SEC22A: variants seen among roughly 807,000 people sequenced by gnomAD.
The protein encoded by SEC22A is SEC22 homolog A, vesicle trafficking protein.
SEC22A carries 22 observed loss-of-function variants against 35.3 expected under a neutral mutation model. That is an observed-to-expected ratio of 0.62 (90% CI 0.45 to 0.89). SEC22A has a LOEUF of 0.89. Among genes scored for constraint, SEC22A ranks in the 40% least tolerant of loss-of-function variants. The pLI is 0.00. For synonymous variants in SEC22A, 119 were observed against 129.5 expected, an observed-to-expected ratio of 0.92 and a Z score of 0.55; for missense variants, 354 against 362.5, an observed-to-expected ratio of 0.98 and a Z score of 0.19.
At chr3:123,219,251 A>T (rs6784995) in intron 2 of SEC22A, among the ~76,000 whole-genome samples, 86,697 of 151,964 alleles carry the variant, frequency 0.57, 25,203 homozygotes, top group Non-Finnish European at 0.61. Flanking sequence ...AGGAGTAAAG[A>T]TGTACAAAAT....
chr3:123,242,589 C>G (rs541073825), intron 4 of SEC22A, among the ~76,000 whole-genome samples: 1 of 152,122 alleles, frequency 6.6e-6, no homozygotes, highest in East Asian at 1.9e-4. Context: ...TGATTCAGGC[C>G]CTGATTTCAG....
intron 6 of SEC22A, among the ~76,000 whole-genome samples, chr3:123,269,090 G>T (rs1172791945): frequency 6.6e-6 from 1 of 151,880 alleles, no homozygotes; most frequent in African/African-American, 2.4e-5. Flanking sequence ...CCATTGCAAA[G>T]ATATCTTTTT....
At chr3:123,255,855 A>G (rs950972) in intron 5 of SEC22A, among the ~76,000 whole-genome samples, 29,728 of 151,656 alleles carry the variant, frequency 0.2, 3,014 homozygotes, top group Middle Eastern at 0.27. Context: ...AACTTATAGA[A>G]AAGTTTAAAG....
chr3:123,260,169 A>AAAAAAAAAAAAAAAAAC (rs1559763879), intron 6 of SEC22A, among the ~76,000 whole-genome samples: 6 of 114,836 alleles, frequency 5.2e-5, no homozygotes, highest in African/African-American at 2.1e-4. Flanking sequence ...AAAAAAAAAA[A>AAAAAAAAAAAAAAAAAC]CTACTAGATT....
intron 4 of SEC22A, among the ~76,000 whole-genome samples, chr3:123,227,033 G>A (rs1347727752): frequency 6.6e-6 from 1 of 152,162 alleles, no homozygotes; most frequent in Non-Finnish European, 1.5e-5. Context: ...GTTCTTGACT[G>A]TCACGGAAGG....
chr3:123,204,236 C>T lies in SEC22A; in HGVS notation c.-20+2250C>T, dbSNP rs6775870. On this transcript the variant is annotated intron_variant, in intron 1 of 6. Transcript: ENST00000492595. The stretch of plus-strand genomic sequence containing the variant: ...AGGAGAAAAACTTAACATCTCAAAA[C>T]TGATTTCACAGATATTATTGCTAAA... Among the ~76,000 whole-genome samples, 1,068 of 152,214 alleles carry T rather than the reference C, an allele frequency of 7.0e-3. 40 individuals are homozygous for T. In the East Asian group the frequency reaches 0.076, roughly 11 times the overall value.
At chr3:123,205,435 T>C (rs1191703545) in intron 1 of SEC22A, among the ~76,000 whole-genome samples, 1 of 152,160 alleles carries the variant, frequency 6.6e-6, no homozygotes, top group African/African-American at 2.4e-5. Context: ...ACACCTGTAA[T>C]CCCAGCACTT....
At chr3:123,210,380 G>T (rs926695517) in intron 2 of SEC22A, among the ~76,000 whole-genome samples, 2 of 152,174 alleles carry the variant, frequency 1.3e-5, no homozygotes, top group African/African-American at 2.4e-5. Context: ...GGTAAAAGAA[G>T]AATAATCACC....
At position 123,268,451 on chromosome 3, in the gene SEC22A, A is replaced by G. The variant is rs997624064; in HGVS notation, c.724-3071A>G. Among the ~76,000 whole-genome samples, 11 of 152,256 alleles carry G rather than the reference A, an allele frequency of 7.2e-5. No homozygotes were observed. In the East Asian group the frequency reaches 1.5e-3, roughly 21 times the overall value. ...TTCTTTATTTGTCTGCTTTTCCTCC[A>G]CAGTTCAGAGTCTTCTTATGCTTGT... On this transcript the variant is annotated intron_variant, in intron 6 of 6. Coordinates refer to ENST00000492595, the MANE Select transcript of SEC22A (RefSeq NM_012430.5).
intron 4 of SEC22A, among the ~76,000 whole-genome samples, chr3:123,243,408 TG>T (rs1195617337): frequency 2.0e-5 from 3 of 152,186 alleles, no homozygotes. Context: ...TTGATGCTGT[TG>T]TTACTCGTTT....
At chr3:123,225,544 T>G (rs543815933) in intron 4 of SEC22A, among the ~76,000 whole-genome samples, 20 of 152,250 alleles carry the variant, frequency 1.3e-4, no homozygotes, top group East Asian at 5.8e-4. Context: ...AATTTAAAAT[T>G]AAAAAAAGTT....
At chr3:123,239,568 C>T (rs2108069280) in intron 4 of SEC22A, among the ~76,000 whole-genome samples, 1 of 152,078 alleles carries the variant, frequency 6.6e-6, no homozygotes, top group South Asian at 2.1e-4. Flanking sequence ...TTGCATTTCT[C>T]TGATGGCCAG....
Position 123,260,169 on chromosome 3 carries a change from A to AAAAAAAAAAAAAAAC in SEC22A, c.723+580_723+581insAAAAAAAAAAAAAAC, listed in dbSNP as rs1559763879. Among the ~76,000 whole-genome samples, 12 of 114,836 alleles carry AAAAAAAAAAAAAAAC rather than the reference A, an allele frequency of 1.0e-4. 3 individuals are homozygous for AAAAAAAAAAAAAAAC. The highest frequency in any genetic ancestry group is 4.2e-4 in the African/African-American group (12 of 28,756). The allele number at this position is 114,836 out of a possible 152,430, so 75.3% of individuals were successfully genotyped here. ...AAAAAAAAAAAAAAAAAAAAAAAAA[A>AAAAAAAAAAAAAAAC]CTACTAGATTTTCTGGTGGTTGATT... is the stretch of plus-strand genomic sequence containing the variant. On this transcript the variant is annotated intron_variant, in intron 6 of 6. Coordinates refer to ENST00000492595, the MANE Select transcript of SEC22A (RefSeq NM_012430.5).
rs1019076222 is a variant in SEC22A at position 123,259,031 on chromosome 3, T to A, written c.658-493T>A. ...TTTTTCACGTTGGGATTTAGCACAC[T>A]CTAGTGGACAGTAGCTTTTCAGTTT... On this transcript the variant is annotated intron_variant, in intron 5 of 6. Transcript: ENST00000492595. Among the ~76,000 whole-genome samples the A allele has an allele frequency of 5.3e-5, 8 of 152,196 alleles. No homozygotes were observed. The East Asian group carries it at 1.2e-3, about 22-fold the overall frequency.
Position 123,272,287 on chromosome 3 carries a change from G to C in SEC22A, c.*565G>C, listed in dbSNP as rs1022871496. 1.3e-5 allele frequency: 2 copies of C among 152,464 alleles called. No individual in the cohort carries two copies. The highest frequency in any genetic ancestry group is 2.9e-5 in the Non-Finnish European group (2 of 68,236). The allele number at this position is 152,464 out of a possible 1,614,324, so 9.4% of individuals were successfully genotyped here. A position where few individuals can be genotyped will look rare whatever the true frequency, so the allele number is the denominator to read the frequency against. ...TGAATCTTAACTCTGGAAATCACCT[G>C]ATGTAGAAGAAGACTGTGATGAGCT... is the stretch of plus-strand genomic sequence containing the variant. On this transcript the variant is annotated 3_prime_UTR_variant, in exon 7 of 7. Coordinates refer to ENST00000492595, the MANE Select transcript of SEC22A (RefSeq NM_012430.5).
chr3:123,216,279 C>T (rs1056076831), intron 2 of SEC22A, among the ~76,000 whole-genome samples: 4 of 152,152 alleles, frequency 2.6e-5, no homozygotes, highest in Non-Finnish European at 5.9e-5. Flanking sequence ...TCAGGATCTT[C>T]ATTCTCTGGA....
At chr3:123,219,231 G>T (rs1008360557) in intron 2 of SEC22A, among the ~76,000 whole-genome samples, 1 of 152,176 alleles carries the variant, frequency 6.6e-6, no homozygotes, top group African/African-American at 2.4e-5. Flanking sequence ...TGGCTGGAAT[G>T]TAGAGAGGGA....
At chr3:123,220,060 T>C (rs1366085969) in intron 2 of SEC22A, among the ~76,000 whole-genome samples, 1 of 152,236 alleles carries the variant, frequency 6.6e-6, no homozygotes, top group Non-Finnish European at 1.5e-5. Flanking sequence ...CTGAAAATGC[T>C]CACATGCCAT....
intron 5 of SEC22A, among the ~76,000 whole-genome samples, chr3:123,258,518 G>C (rs1344809881): frequency 6.6e-6 from 1 of 152,090 alleles, no homozygotes; most frequent in Admixed American, 6.6e-5. Flanking sequence ...TTGCCTCTGG[G>C]GTGCAACTGG....
Sources: gnomAD v4.1 joint callset for allele counts (sites outside exome capture counted in the v4.1 genomes callset) on GRCh38, gnomAD v4.1.1 for gene constraint, MANE v1.5 for transcripts, NCBI Gene and HGNC (gene_info 2026-07-23, HGNC 2026-07-21) for gene names.